Variants in RAVER2 observed in about 807,000 individuals in gnomAD.
The protein encoded by RAVER2 is ribonucleoprotein, PTB binding 2.
In RAVER2, 46 loss-of-function variants were observed where a neutral mutation model predicts 78.1. That is an observed-to-expected ratio of 0.59 (90% CI 0.46 to 0.75). The LOEUF (loss-of-function observed/expected upper bound fraction) is 0.75. Ranked by LOEUF, RAVER2 falls within the 30% of genes least tolerant of loss-of-function variation. The pLI, the probability that RAVER2 is intolerant of heterozygous loss-of-function variation, is 0.00. For missense variants in RAVER2, 793 were observed against 837.5 expected (o/e 0.95, Z 0.66); for synonymous variants, 311 against 313.3 (o/e 0.99, Z 0.08).
intron 11 of RAVER2, among the ~76,000 whole-genome samples, chr1:64,829,497 A>T (rs1159568030): frequency 6.6e-6 from 1 of 152,198 alleles, no homozygotes. Context: ...TGGAGAGAAT[A>T]ACCAAGAGGC....
chr1:64,792,231 C>A (rs1240772316), intron 5 of RAVER2, among the ~76,000 whole-genome samples: 1 of 152,116 alleles, frequency 6.6e-6, no homozygotes, highest in Non-Finnish European at 1.5e-5. Flanking sequence ...TGCTTTAAAT[C>A]CCCCACAAGT....
chr1:64,812,804 C>T, exon 10 of RAVER2: 1 of 1,611,874 alleles, frequency 6.2e-7, no homozygotes, highest in Non-Finnish European at 8.5e-7. Flanking sequence ...CAGTAAAAAT[C>T]CATACTTGAA....
intron 1 of RAVER2, among the ~76,000 whole-genome samples, chr1:64,754,756 C>T (rs1397410338): frequency 2.6e-5 from 4 of 152,146 alleles, no homozygotes; most frequent in Admixed American, 2.6e-4. Flanking sequence ...AGTGCTGTTG[C>T]AGGTCAACAA....
At chr1:64,771,191 C>T (rs765310667) in intron 2 of RAVER2, among the ~76,000 whole-genome samples, 6 of 151,664 alleles carry the variant, frequency 4.0e-5, no homozygotes, top group Non-Finnish European at 5.9e-5. Flanking sequence ...ATACATTTAG[C>T]GGGACAAAGA....
chr1:64,759,868 A>G (rs1001776326), intron 1 of RAVER2, among the ~76,000 whole-genome samples: 34 of 152,180 alleles, frequency 2.2e-4, no homozygotes, highest in African/African-American at 8.0e-4. Flanking sequence ...TTAATGTCGT[A>G]AAATAATCTC....
At chr1:64,786,187 T>C (rs548788361) in intron 4 of RAVER2, among the ~76,000 whole-genome samples, 5 of 152,324 alleles carry the variant, frequency 3.3e-5, no homozygotes, top group Non-Finnish European at 5.9e-5. Context: ...TCTTTTTAAA[T>C]GGAAGTTTTT....
chr1:64,795,026 T>A (rs889505653), intron 5 of RAVER2, among the ~76,000 whole-genome samples: 3 of 152,108 alleles, frequency 2.0e-5, no homozygotes, highest in African/African-American at 7.2e-5. Flanking sequence ...ATTTTTTTTT[T>A]ACATATAGTT....
At chr1:64,830,301 G>A (rs1394356223) in intron 11 of RAVER2, among the ~76,000 whole-genome samples, 1 of 152,166 alleles carries the variant, frequency 6.6e-6, no homozygotes, top group Non-Finnish European at 1.5e-5. Context: ...TGCTCGCCAG[G>A]CGATTATTGT....
chr1:64,801,836 C>A (rs560717827), intron 5 of RAVER2, among the ~76,000 whole-genome samples: 12 of 152,230 alleles, frequency 7.9e-5, no homozygotes, highest in Non-Finnish European at 1.5e-4. Flanking sequence ...CCATTGCACT[C>A]CAGCCTGGGC....
chr1:64,793,008 G>C (rs1326797730), intron 5 of RAVER2, among the ~76,000 whole-genome samples: 2 of 152,112 alleles, frequency 1.3e-5, no homozygotes, highest in African/African-American at 2.4e-5. Context: ...TTCAAGACCA[G>C]CCTGGCCAAC....
chr1:64,792,497 G>A (rs1195085207), intron 5 of RAVER2, among the ~76,000 whole-genome samples: 3 of 152,092 alleles, frequency 2.0e-5, no homozygotes, highest in Non-Finnish European at 4.4e-5. Flanking sequence ...TTCATCTCAA[G>A]TATTATTTTT....
At chr1:64,809,989 A>G (rs1381893187) in intron 9 of RAVER2, among the ~76,000 whole-genome samples, 1 of 152,216 alleles carries the variant, frequency 6.6e-6, no homozygotes, top group Non-Finnish European at 1.5e-5. Flanking sequence ...TAATTCAGCC[A>G]TCCATGGACA....
chr1:64,751,719 C>T (rs1651703324), intron 1 of RAVER2, among the ~76,000 whole-genome samples: 1 of 152,018 alleles, frequency 6.6e-6, no homozygotes, highest in Non-Finnish European at 1.5e-5. Flanking sequence ...TGCTACCAAG[C>T]CCAGCCTTGA....
At chr1:64,822,818 T>C (rs1653919058) in intron 11 of RAVER2, among the ~76,000 whole-genome samples, 1 of 152,174 alleles carries the variant, frequency 6.6e-6, no homozygotes, top group African/African-American at 2.4e-5. Flanking sequence ...ATAAACAAAA[T>C]GTGGTAATAT....
At chr1:64,831,219 T>A (rs1263262908) in exon 12 of RAVER2, 2 of 335,876 alleles carry the variant, frequency 6.0e-6, no homozygotes, top group Non-Finnish European at 1.1e-5. Flanking sequence ...TGTGCTAACT[T>A]ACAATCCATT....
At chr1:64,763,917 TACACACACACACACACACACAC>T in intron 1 of RAVER2, among the ~76,000 whole-genome samples, 1 of 133,812 alleles carries the variant, frequency 7.5e-6, no homozygotes, top group Non-Finnish European at 1.6e-5. Context: ...AAAACAAAAA[TACACACACACACACACACACAC>T]ACACACACAC....
rs1467348637 is a variant in RAVER2, at chr1:64,831,002, A to G, written c.*17A>G. The G allele has an allele frequency of 1.3e-5, 21 of 1,610,194 alleles. No individual in the cohort carries two copies. The East Asian group carries it at 4.2e-4, about 32-fold the overall frequency. On this transcript the variant is annotated 3_prime_UTR_variant, in exon 12 of 12. Coordinates refer to ENST00000294428, the Ensembl canonical transcript of RAVER2. ...GTATACTGAGTTAAGCTCTCTCCTAATAACCCCCTAAGGTTCTCTGCAGTA... is the reference window on the plus strand; with the variant it reads ...GTATACTGAGTTAAGCTCTCTCCTAGTAACCCCCTAAGGTTCTCTGCAGTA...
At chr1:64,807,407 G>A (rs1293241384) in exon 9 of RAVER2, 37 of 1,614,000 alleles carry the variant, frequency 2.3e-5, no homozygotes, top group Non-Finnish European at 3.1e-5. Flanking sequence ...CTTGCTGCTG[G>A]AAGCTTGCTG....
exon 9 of RAVER2, chr1:64,807,366 G>A (rs1430670848): frequency 3.7e-6 from 6 of 1,614,134 alleles, no homozygotes; most frequent in Non-Finnish European, 4.2e-6. Flanking sequence ...ATTTCTCAGG[G>A]TCGCAGCCTT....
Sources: gnomAD v4.1 joint callset for allele counts (sites outside exome capture counted in the v4.1 genomes callset) on GRCh38, gnomAD v4.1.1 for gene constraint, MANE v1.5 for transcripts, NCBI Gene and HGNC (gene_info 2026-07-23, HGNC 2026-07-21) for gene names.